Variants in NCAN observed in about 807,000 individuals in gnomAD.
NCAN encodes neurocan, also known as neurocan core protein.
A neutral mutation model predicts 121.8 loss-of-function variants in NCAN; 47 were observed. The ratio of observed to expected loss-of-function variants is 0.39; its 90% CI spans 0.31 to 0.49. The LOEUF (loss-of-function observed/expected upper bound fraction) is 0.49. Among genes scored for constraint, NCAN ranks in the 20% least tolerant of loss-of-function variants. The probability of loss-of-function intolerance (pLI) is 0.92; values close to 1 mark genes in which losing one functional copy is unlikely to be tolerated. For missense variants in NCAN, 1,517 were observed against 1,773.4 expected (o/e 0.86, Z 2.60); for synonymous variants, 633 against 702.0 (o/e 0.90, Z 1.55).
At chr19:19,214,661 G>C (rs1389231407) in intron 1 of NCAN, among the ~76,000 whole-genome samples, 1 of 152,046 alleles carries the variant, frequency 6.6e-6, no homozygotes, top group Non-Finnish European at 1.5e-5. Context: ...GAGGCACAGA[G>C]AGATTGAAGC....
chr19:19,249,749 C>T lies in NCAN; in HGVS notation c.3821-17C>T, dbSNP rs1192208625. On this transcript the variant is annotated splice_polypyrimidine_tract_variant and intron_variant, in intron 14 of 14. Coordinates refer to ENST00000252575, the MANE Select transcript of NCAN (RefSeq NM_004386.3). ...CCACCTTTTGTCCCTTCCCTGTCCT[C>T]CCTCACTTCCCTGCAGCCAGACGTT... 1.1e-5 allele frequency: 18 copies of T among 1,587,426 alleles called. No homozygotes were observed. The East Asian group carries it at 4.0e-4, about 36-fold the overall frequency.
intron 12 of NCAN, among the ~76,000 whole-genome samples, chr19:19,241,329 G>C (rs1354182386): frequency 6.6e-6 from 1 of 152,024 alleles, no homozygotes; most frequent in Non-Finnish European, 1.5e-5. Flanking sequence ...TTGGGAGACT[G>C]AGTGAGGAGG....
Position 19,250,672 on chromosome 19 carries a change from T to C in NCAN, c.*761T>C, listed in dbSNP as rs1599828427. ...GTGTGATGAATCTCTTTCACACAAA[T>C]AGACGAGAGGATATTTAGGGCTAGA... On this transcript the variant is annotated 3_prime_UTR_variant, in exon 15 of 15. Coordinates refer to ENST00000252575, the MANE Select transcript of NCAN (RefSeq NM_004386.3). The C allele has an allele frequency of 6.3e-6, 1 of 158,232 alleles. No individual in the cohort carries two copies. The highest frequency in any genetic ancestry group is 2.4e-5 in the African/African-American group (1 of 41,498). 9.8% of individuals were successfully genotyped at this position (158,232 alleles called of 1,614,324 possible).
At chr19:19,220,076 A>T (rs1201080673) in intron 3 of NCAN, among the ~76,000 whole-genome samples, 4 of 151,830 alleles carry the variant, frequency 2.6e-5, no homozygotes, top group Non-Finnish European at 5.9e-5. Context: ...TGTCTTTAAC[A>T]CCTCTCTTTT....
intron 12 of NCAN, among the ~76,000 whole-genome samples, chr19:19,242,010 T>C (rs10413570): frequency 0.17 from 26,202 of 151,338 alleles, 2,819 homozygotes; most frequent in South Asian, 0.3. Context: ...GCCTGGCCAA[T>C]GTGGTGAAAC....
chr19:19,238,862 A>G (rs1254788477), intron 11 of NCAN: 4 of 274,156 alleles, frequency 1.5e-5, no homozygotes, highest in African/African-American at 2.2e-5. Flanking sequence ...AGCACCTGTA[A>G]TGTGTTCAAA....
Position 19,228,465 on chromosome 19 carries a change from C to T in NCAN, c.2845C>T (p.Pro949Ser), listed in dbSNP as rs1167324324. The change falls in exon 8 of 15, where the codon CCT becomes TCT. Residue 949 changes from proline (P) to serine (S), a missense_variant. Coordinates refer to ENST00000252575, the MANE Select transcript of NCAN (RefSeq NM_004386.3). The part of the protein sequence containing the change: ...GESASVSSGE[P>S]TVPWDPSSTL... ...GTCTGCCTCAGTTTCCTCAGGGGAG[C>T]CTACGGTACCGTGGGACCCCTCCAG... is the stretch of plus-strand genomic sequence containing the variant. The T allele has an allele frequency of 1.2e-6, 2 of 1,613,444 alleles. No homozygotes were observed. Among genetic ancestry groups the T allele is most frequent in the African/African-American group, 2.7e-5 (2 of 74,916 alleles).
rs1217446839 is a variant in NCAN, at chr19:19,227,644, C to T, written c.2024C>T (p.Thr675Ile). ...ATAPPSPAAE[T>I]KVYSLPLSLT... ...GCTCCACCCTCCCCTGCTGCAGAGACCAAGGTGTATTCCCTGCCTCTCTCT... is the reference window on the plus strand; with the variant it reads ...GCTCCACCCTCCCCTGCTGCAGAGATCAAGGTGTATTCCCTGCCTCTCTCT... Residue 675 changes from threonine to isoleucine, a missense_variant, in exon 8 of 15, where the codon ACC becomes ATC. Physicochemically the swap from Thr to Ile is moderately conservative, Grantham distance 89. Transcript: ENST00000252575. The surrounding 1 kb of genome is among the most constrained non-coding windows in gnomAD (Gnocchi z 4.2). 2 of 1,613,970 alleles carry T rather than the reference C, an allele frequency of 1.2e-6. No homozygotes were observed. The highest frequency in any genetic ancestry group is 1.7e-6 in the Non-Finnish European group (2 of 1,180,030).
intron 12 of NCAN, among the ~76,000 whole-genome samples, chr19:19,241,159 G>A (rs62135547): frequency 0.23 from 35,326 of 152,010 alleles, 4,786 homozygotes; most frequent in Non-Finnish European, 0.29. Context: ...AGGAGGCTGA[G>A]GCGTGAGAAT....
Position 19,248,730 on chromosome 19 carries a change from A to G in NCAN, c.3668A>G (p.Asn1223Ser). 1 of 1,614,210 alleles carries G rather than the reference A, an allele frequency of 6.2e-7. No homozygotes were observed. Among genetic ancestry groups the G allele is most frequent in the East Asian group, 2.2e-5 (1 of 44,888 alleles). The change falls in exon 14 of 15, where the codon AAT (asparagine) becomes AGT (serine). Residue 1223 changes from asparagine to serine, a missense_variant. By Grantham distance (46) the Asn-to-Ser change is conservative (BLOSUM62 1). Transcript: ENST00000252575. ...TGTGGTCCCCCTCCGGCAGTGGAGAATGCCTCACTCATCGGTGCCCGCAAG... is the reference window on the plus strand; with the variant it reads ...TGTGGTCCCCCTCCGGCAGTGGAGAGTGCCTCACTCATCGGTGCCCGCAAG... Reference protein sequence around the residue: ...VLCGPPPAVENASLIGARKAK... With the variant: ...VLCGPPPAVESASLIGARKAK...
intron 13 of NCAN, among the ~76,000 whole-genome samples, chr19:19,246,619 C>T (rs900406277): frequency 1.3e-5 from 2 of 151,672 alleles, no homozygotes; most frequent in Non-Finnish European, 2.9e-5. Context: ...CTGCAACCTC[C>T]GCCTCTGAGG....
In NCAN at chr19:19,227,693, A is replaced by C. The variant is rs1307929311; in HGVS notation, c.2073A>C (p.Gly691=). The change falls in exon 8 of 15, where the codon GGA becomes GGC. Residue 691 remains glycine, a synonymous_variant. Coordinates refer to ENST00000252575, the MANE Select transcript of NCAN (RefSeq NM_004386.3). The surrounding 1 kb of genome is among the most constrained non-coding windows in gnomAD (Gnocchi z 4.2). ...PLSLTPTGQG[G]EAMPTTPESP... is the part of the protein sequence containing the mutation. ...CTTTGACCCCAACAGGACAGGGTGGAGAGGCCATGCCCACAACACCTGAGT... is the reference window on the plus strand; with the variant it reads ...CTTTGACCCCAACAGGACAGGGTGGCGAGGCCATGCCCACAACACCTGAGT... 1 of 1,614,010 alleles carries C rather than the reference A, an allele frequency of 6.2e-7. No individual in the cohort carries two copies. The highest frequency in any genetic ancestry group is 1.3e-5 in the African/African-American group (1 of 75,036).
rs774022023 is a variant in NCAN, at chr19:19,227,960, C to T, written c.2340C>T (p.Asp780=). ...GLQATVDEVQ[D]PWPSVYSKGL... ...AGGCCACTGTAGATGAGGTGCAGGA[C>T]CCCTGGCCCTCAGTGTACAGCAAAG... Residue 780 remains aspartate, a synonymous_variant, in exon 8 of 15, where the codon GAC becomes GAT. Transcript: ENST00000252575. The surrounding 1 kb of genome is among the most constrained non-coding windows in gnomAD (Gnocchi z 4.2). 1 of 1,613,426 alleles carries T rather than the reference C, an allele frequency of 6.2e-7. No homozygotes were observed. The highest frequency in any genetic ancestry group is 1.7e-5 in the Admixed American group (1 of 60,014).
intron 11 of NCAN, among the ~76,000 whole-genome samples, chr19:19,239,859 T>C (rs1599821116): frequency 2.2e-5 from 2 of 89,018 alleles, no homozygotes; most frequent in Non-Finnish European, 2.2e-5. Context: ...CTCCAACTCC[T>C]CCCCTCCTCC....
intron 2 of NCAN, 34 bp from the exon 3 acceptor site, chr19:19,218,881 G>A: frequency 6.8e-7 from 1 of 1,469,662 alleles, no homozygotes; most frequent in Non-Finnish European, 9.0e-7. Flanking sequence ...TCTTGCCTCT[G>A]AATCAGGCCC....
In NCAN at chr19:19,238,324, G is replaced by A. The variant is rs1383122725; in HGVS notation, c.3322G>A (p.Ala1108Thr). 5.6e-6 allele frequency: 9 copies of A among 1,614,192 alleles called. No homozygotes were observed. Among genetic ancestry groups the A allele is most frequent in the Non-Finnish European group, 7.6e-6 (9 of 1,180,034 alleles). Residue 1108 changes from alanine (A) to threonine (T), a missense_variant, in exon 11 of 15, where the codon GCA (alanine) becomes ACA (threonine). Coordinates refer to ENST00000252575, the MANE Select transcript of NCAN (RefSeq NM_004386.3). ...TTACCGCTATTTTGCCCACCGGAGG[G>A]CATGGGAAGATGCCGAGAAGGACTG... ...HCYRYFAHRR[A>T]WEDAEKDCRR...
chr19:19,229,656 C>T (rs979671412), intron 8 of NCAN, among the ~76,000 whole-genome samples: 3 of 152,212 alleles, frequency 2.0e-5, no homozygotes. Flanking sequence ...CAGCAGCGTC[C>T]ATAGAAATCG....
chr19:19,227,728 C>T lies in NCAN; in HGVS notation c.2108C>T (p.Ala703Val). ...AMPTTPESPR[A>V]DFRETGETSP... ...CCCACAACACCTGAGTCCCCCAGGGCAGACTTCAGAGAAACTGGGGAGACC... is the reference window on the plus strand; with the variant it reads ...CCCACAACACCTGAGTCCCCCAGGGTAGACTTCAGAGAAACTGGGGAGACC... Residue 703 changes from alanine to valine, a missense_variant, in exon 8 of 15, where the codon GCA becomes GTA. Physicochemically the swap from Ala to Val is moderately conservative, Grantham distance 64 (BLOSUM62 0). Coordinates refer to ENST00000252575, the MANE Select transcript of NCAN (RefSeq NM_004386.3). The surrounding 1 kb of genome is among the most constrained non-coding windows in gnomAD (Gnocchi z 4.2). 1 of 1,613,938 alleles carries T rather than the reference C, an allele frequency of 6.2e-7. No individual in the cohort carries two copies. Among genetic ancestry groups the T allele is most frequent in the South Asian group, 1.1e-5 (1 of 91,082 alleles).
intron 10 of NCAN, 47 bp downstream of exon 10, chr19:19,235,143 G>A: frequency 7.4e-7 from 1 of 1,346,532 alleles, no homozygotes; most frequent in South Asian, 1.2e-5. Flanking sequence ...AGTGGGGTTG[G>A]GTGCCCAGCC....
Sources: allele counts gnomAD v4.1 joint callset (sites outside exome capture counted in the v4.1 genomes callset), GRCh38; gene constraint gnomAD v4.1.1; non-coding constraint Gnocchi (gnomAD v3.1); transcripts MANE v1.5; gene names NCBI Gene and HGNC (gene_info 2026-07-23, HGNC 2026-07-21).